VPS13A: variants seen among roughly 807,000 people sequenced by gnomAD.
VPS13A encodes vacuolar protein sorting 13 homolog A.
VPS13A carries 264 observed loss-of-function variants against 390.9 expected under a neutral mutation model. That is an observed-to-expected ratio of 0.68 (90% CI 0.61 to 0.75). The LOEUF (loss-of-function observed/expected upper bound fraction) is 0.75. Ranked by LOEUF, VPS13A falls within the 30% of genes least tolerant of loss-of-function variation. VPS13A has a pLI of 0.00. For missense variants in VPS13A, 3,409 were observed against 3,733.9 expected (o/e 0.91, Z 2.27); for synonymous variants, 1,231 against 1,227.1 (o/e 1.00, Z -0.07).
intron 68 of VPS13A, chr9:77,382,473 C>A: frequency 7.4e-7 from 1 of 1,342,448 alleles, no homozygotes. Flanking sequence ...CTTAGTTCTG[C>A]ACTGGATTTG....
chr9:77,382,169 A>G lies in VPS13A; in HGVS notation c.9189+82A>G, dbSNP rs890094635. The G allele has an allele frequency of 2.2e-6, 3 of 1,338,788 alleles. No homozygotes were observed. The Admixed American group carries it at 7.6e-5, about 34-fold the overall frequency. 82.9% of individuals were successfully genotyped at this position (1,338,788 alleles called of 1,614,324 possible). A position where few individuals can be genotyped will look rare whatever the true frequency, so the allele number is the denominator to read the frequency against. ...TAAGTAGCCATTTAATATATATTAA[A>G]TTATTTGGGCTTTTATCTATTTTGC... is the stretch of plus-strand genomic sequence containing the variant. On this transcript the variant is annotated intron_variant, in intron 68 of 71. Coordinates refer to ENST00000360280, the MANE Select transcript of VPS13A (RefSeq NM_033305.3).
intron 68 of VPS13A, among the ~76,000 whole-genome samples, chr9:77,385,632 A>G (rs1282621169): frequency 2.0e-5 from 3 of 152,066 alleles, no homozygotes; most frequent in Admixed American, 6.5e-5. Context: ...TTTCTCTAAC[A>G]TATCAGACGT....
intron 34 of VPS13A, among the ~76,000 whole-genome samples, chr9:77,305,912 T>G (rs1828712820): frequency 6.6e-6 from 1 of 152,208 alleles, no homozygotes; most frequent in Non-Finnish European, 1.5e-5. Flanking sequence ...CTTACAGTTC[T>G]TTGAACTTCC....
intron 67 of VPS13A, among the ~76,000 whole-genome samples, chr9:77,377,369 G>A (rs1277375885): frequency 1.3e-5 from 2 of 151,560 alleles, no homozygotes; most frequent in African/African-American, 2.4e-5. Context: ...ACAGGCGCCC[G>A]CCACCGCGCC....
intron 10 of VPS13A, among the ~76,000 whole-genome samples, chr9:77,219,689 C>CTT (rs1272031833): frequency 6.6e-6 from 1 of 151,196 alleles, no homozygotes; most frequent in Non-Finnish European, 1.5e-5. Flanking sequence ...AATGTTTCTG[C>CTT]TTTTAAGTAT....
intron 1 of VPS13A, among the ~76,000 whole-genome samples, chr9:77,190,652 T>C (rs1309852608): frequency 2.0e-5 from 3 of 152,234 alleles, no homozygotes; most frequent in Non-Finnish European, 1.5e-5. Flanking sequence ...TCAATAGGAT[T>C]GGTACCAGCT....
intron 45 of VPS13A, among the ~76,000 whole-genome samples, chr9:77,330,490 A>C (rs1830226909): frequency 6.6e-6 from 1 of 152,214 alleles, no homozygotes; most frequent in South Asian, 2.1e-4. Context: ...CAAAGGAAGC[A>C]ATATCAGACT....
At chr9:77,334,536 A>AG (rs1380147437) in intron 46 of VPS13A, among the ~76,000 whole-genome samples, 1 of 152,196 alleles carries the variant, frequency 6.6e-6, no homozygotes, top group Non-Finnish European at 1.5e-5. Context: ...AATACCTTGC[A>AG]GTCTGTCTAG....
chr9:77,343,704 G>C (rs1400169004), intron 50 of VPS13A, among the ~76,000 whole-genome samples: 1 of 152,284 alleles, frequency 6.6e-6, no homozygotes, highest in South Asian at 2.1e-4. Context: ...TTGACAACCA[G>C]ATGCTAGATT....
rs1254169688 is a variant in VPS13A at position 77,314,553 on chromosome 9, A to T, written c.4301A>T (p.Asn1434Ile). 6.2e-7 allele frequency: 1 copy of T among 1,611,664 alleles called. No individual in the cohort carries two copies. The highest frequency in any genetic ancestry group is 1.7e-5 in the Admixed American group (1 of 59,990). ...SLKLAEFKLENIISTLKMYTD... is the reference protein window; with the variant it reads ...SLKLAEFKLEIIISTLKMYTD... ...AAACTTGCTGAATTTAAATTGGAGA[A>T]TATTATAAGTACTTTAAAAATGTAT... is the stretch of plus-strand genomic sequence containing the variant. Residue 1434 changes from asparagine (N) to isoleucine (I), a missense_variant, in exon 37 of 72, where the codon AAT (asparagine) becomes ATT (isoleucine). By Grantham distance (149) the Asn-to-Ile change is moderately radical (BLOSUM62 -3). This residue lies in a region of VPS13A where 2,717 missense variants were observed against 2,917.4 expected (regional missense o/e 0.93). Transcript: ENST00000360280.
At chr9:77,407,248 C>T (rs1834663053) in intron 70 of VPS13A, among the ~76,000 whole-genome samples, 1 of 152,194 alleles carries the variant, frequency 6.6e-6, no homozygotes, top group African/African-American at 2.4e-5. Flanking sequence ...CCCAACTTAC[C>T]TCCTTCCCAT....
At chr9:77,400,903 G>T (rs1834360848) in intron 68 of VPS13A, among the ~76,000 whole-genome samples, 1 of 151,214 alleles carries the variant, frequency 6.6e-6, no homozygotes, top group Non-Finnish European at 1.5e-5. Context: ...TTAAATCATT[G>T]ATCCATGTAG....
rs567684324 is a variant in VPS13A, at chr9:77,337,855, A to G, written c.6378+318A>G. The G allele has an allele frequency of 3.1e-3, 665 of 215,174 alleles. 3 individuals are homozygous for G. The highest frequency in any genetic ancestry group is 0.012 in the South Asian group (102 of 8,168). The allele number at this position is 215,174 out of a possible 1,614,324, so 13.3% of individuals were successfully genotyped here. On this transcript the variant is annotated intron_variant, in intron 47 of 71. Transcript: ENST00000360280. ...TGTGGTTTCTTCCTGTTGTTATAGG[A>G]ATCCATACATCTTAAGATTTTATGT...
rs540885085 is a variant in VPS13A, at chr9:77,332,249, A to G, written c.6095+136A>G. ...CGTATTTAGGTTTCAGTGCACTTAGATCTTAAAAAAGAAGTATTATTTAAT... is the reference window on the plus strand; with the variant it reads ...CGTATTTAGGTTTCAGTGCACTTAGGTCTTAAAAAAGAAGTATTATTTAAT... On this transcript the variant is annotated intron_variant, in intron 46 of 71. Transcript: ENST00000360280. The G allele has an allele frequency of 1.3e-4, 87 of 659,212 alleles. No homozygotes were observed. In the African/African-American group the frequency reaches 1.4e-3, roughly 11 times the overall value. The allele number at this position is 659,212 out of a possible 1,614,324, so 40.8% of individuals were successfully genotyped here.
At chr9:77,368,229 A>C in intron 62 of VPS13A, 93 bp downstream of exon 62, 17 of 980,158 alleles carry the variant, frequency 1.7e-5, no homozygotes, top group Non-Finnish European at 2.7e-5. Flanking sequence ...CTATTGAGGA[A>C]CTAAATAGCC....
intron 17 of VPS13A, among the ~76,000 whole-genome samples, chr9:77,234,289 A>G (rs770784049): frequency 1.3e-5 from 2 of 152,078 alleles, no homozygotes; most frequent in Non-Finnish European, 2.9e-5. Flanking sequence ...TGATCTTCCC[A>G]CCACAGCCTC....
chr9:77,266,165 T>C (rs1220288071), intron 23 of VPS13A, among the ~76,000 whole-genome samples: 1 of 152,244 alleles, frequency 6.6e-6, no homozygotes, highest in Middle Eastern at 3.2e-3. Context: ...GACTGTTTGT[T>C]ATGACTGCCA....
At chr9:77,351,831 T>C (rs1468465944) in intron 53 of VPS13A, among the ~76,000 whole-genome samples, 2 of 152,226 alleles carry the variant, frequency 1.3e-5, no homozygotes, top group South Asian at 2.1e-4. Context: ...ATCACGCCAC[T>C]GCACTCCAGC....
At chr9:77,333,459 TTCGCTC>T in intron 46 of VPS13A, among the ~76,000 whole-genome samples, 1 of 144,536 alleles carries the variant, frequency 6.9e-6, no homozygotes. Flanking sequence ...GAGATGGAGT[TTCGCTC>T]TTGTTGCCCA....
Sources: gnomAD v4.1 joint callset for allele counts (sites outside exome capture counted in the v4.1 genomes callset) on GRCh38, gnomAD v4.1.1 for gene constraint, gnomAD v4.1.1 regional missense constraint, MANE v1.5 for transcripts, NCBI Gene and HGNC (gene_info 2026-07-23, HGNC 2026-07-21) for gene names.